IQCJ: variants seen among roughly 807,000 people sequenced by gnomAD.
IQCJ encodes the protein IQ motif containing J, also known as IQ domain-containing protein J.
Under a neutral mutation model 11.0 loss-of-function variants are expected in IQCJ, and 9 were observed. The observed-to-expected ratio is 0.82, with a 90% CI of 0.49 to 1.43. IQCJ has a LOEUF of 1.43. IQCJ is among the 40% of genes most tolerant of loss of function. The probability of loss-of-function intolerance (pLI) is 0.00; values close to 1 mark genes in which losing one functional copy is unlikely to be tolerated. For synonymous variants in IQCJ, 55 were observed against 51.3 expected, an observed-to-expected ratio of 1.07 and a Z score of -0.31; for missense variants, 146 against 133.2, an observed-to-expected ratio of 1.10 and a Z score of -0.47.
intron 1 of IQCJ, among the ~76,000 whole-genome samples, chr3:159,212,496 A>T (rs1236138584): frequency 6.6e-6 from 1 of 152,206 alleles, no homozygotes; most frequent in Non-Finnish European, 1.5e-5. Flanking sequence ...TAGGCTAAGA[A>T]ATTACTTCCT....
intron 1 of IQCJ, among the ~76,000 whole-genome samples, chr3:159,149,407 G>A (rs1211654955): frequency 2.0e-5 from 3 of 152,128 alleles, no homozygotes; most frequent in Non-Finnish European, 4.4e-5. Flanking sequence ...AGCTTCTATC[G>A]TACAGTTTCA....
chr3:159,258,045 C>G (rs1000515739), intron 3 of IQCJ, among the ~76,000 whole-genome samples: 1 of 152,112 alleles, frequency 6.6e-6, no homozygotes, highest in East Asian at 1.9e-4. Context: ...AACAGAAATA[C>G]CCATGGTCTA....
At chr3:159,175,533 T>G (rs1722747828) in intron 1 of IQCJ, among the ~76,000 whole-genome samples, 1 of 152,118 alleles carries the variant, frequency 6.6e-6, no homozygotes, top group Non-Finnish European at 1.5e-5. Flanking sequence ...CCCTCATCCC[T>G]TTTCGTGGTC....
At chr3:159,158,151 G>A (rs553531703) in intron 1 of IQCJ, among the ~76,000 whole-genome samples, 116 of 152,230 alleles carry the variant, frequency 7.6e-4, no homozygotes, top group African/African-American at 2.7e-3. Context: ...CAGTTTTTCT[G>A]TTATAAAATG....
intron 3 of IQCJ, among the ~76,000 whole-genome samples, chr3:159,260,827 A>G (rs1728160642): frequency 6.6e-6 from 1 of 152,180 alleles, no homozygotes; most frequent in Non-Finnish European, 1.5e-5. Context: ...AAAAACTCTA[A>G]AAGTATCTTA....
intron 2 of IQCJ, among the ~76,000 whole-genome samples, chr3:159,251,012 G>T (rs1043404547): frequency 6.6e-6 from 1 of 152,194 alleles, no homozygotes; most frequent in Non-Finnish European, 1.5e-5. Flanking sequence ...TTAAATATAT[G>T]TGTAGAATGA....
Position 159,150,657 on chromosome 3 carries a change from C to A in IQCJ, c.9+81216C>A, listed in dbSNP as rs1721162004. Among the ~76,000 whole-genome samples the A allele has an allele frequency of 2.0e-5, 3 of 151,952 alleles. No homozygotes were observed. The South Asian group carries it at 6.2e-4, about 32-fold the overall frequency. ...GCTTCTGTAGGTTGAGGGTAAGAAA[C>A]TGCTTGTCCATTTCTGTACCCTTTG... On this transcript the variant is annotated intron_variant, in intron 1 of 3. Transcript: ENST00000397832.
rs1721208834 is a variant in IQCJ, at chr3:159,151,418, C to T, written c.9+81977C>T. On this transcript the variant is annotated intron_variant, in intron 1 of 3. Coordinates refer to ENST00000397832, the MANE Select transcript of IQCJ (RefSeq NM_001042706.3). ...CGGCTCTGTCCTCAGCACTGCTGTT[C>T]TCTCCAACTGAGTTCTTCAGCATGC... Among the ~76,000 whole-genome samples, 3 of 152,182 alleles carry T rather than the reference C, an allele frequency of 2.0e-5. No individual in the cohort carries two copies. In the South Asian group the frequency reaches 6.2e-4, roughly 32 times the overall value.
chr3:159,263,670 G>A lies in IQCJ; in HGVS notation c.*939G>A. The A allele has an allele frequency of 1.0e-6, 1 of 985,366 alleles. No individual in the cohort carries two copies. Among genetic ancestry groups the A allele is most frequent in the Non-Finnish European group, 1.2e-6 (1 of 829,880 alleles). The allele number at this position is 985,366 out of a possible 1,614,324, so 61.0% of individuals were successfully genotyped here. A position where few individuals can be genotyped will look rare whatever the true frequency, so the allele number is the denominator to read the frequency against. The stretch of plus-strand genomic sequence containing the variant: ...AAGGTTTCCCAACACTCAACGCAAT[G>A]TATTCTTTTTGGGATCAGGTAAAAG... On this transcript the variant is annotated 3_prime_UTR_variant, in exon 4 of 4. Coordinates refer to ENST00000397832, the MANE Select transcript of IQCJ (RefSeq NM_001042706.3).
intron 1 of IQCJ, among the ~76,000 whole-genome samples, chr3:159,206,769 A>C (rs1724679142): frequency 6.6e-6 from 1 of 152,176 alleles, no homozygotes; most frequent in African/African-American, 2.4e-5. Context: ...CCTGTAAGTC[A>C]GTCAGTCAGC....
intron 1 of IQCJ, among the ~76,000 whole-genome samples, chr3:159,176,246 T>G (rs1288539700): frequency 6.6e-6 from 1 of 151,828 alleles, no homozygotes. Context: ...CTTTTTCACT[T>G]GTTTACAGTA....
chr3:159,223,865 A>G (rs968406256), intron 1 of IQCJ, among the ~76,000 whole-genome samples: 1 of 152,160 alleles, frequency 6.6e-6, no homozygotes, highest in African/African-American at 2.4e-5. Flanking sequence ...TATGTATGTA[A>G]GGTGTATATG....
intron 1 of IQCJ, among the ~76,000 whole-genome samples, chr3:159,170,592 A>AT (rs1722434749): frequency 1.3e-5 from 2 of 151,408 alleles, no homozygotes; most frequent in African/African-American, 4.8e-5. Flanking sequence ...GAAGCCACAC[A>AT]TTCCTCCTGA....
At chr3:159,202,096 A>G (rs1724382670) in intron 1 of IQCJ, among the ~76,000 whole-genome samples, 1 of 152,156 alleles carries the variant, frequency 6.6e-6, no homozygotes, top group Admixed American at 6.5e-5. Context: ...GTTGCCTGAA[A>G]TTGTTTGCAA....
intron 1 of IQCJ, among the ~76,000 whole-genome samples, chr3:159,186,961 G>A (rs1043395740): frequency 6.6e-6 from 1 of 152,190 alleles, no homozygotes; most frequent in Non-Finnish European, 1.5e-5. Flanking sequence ...CAGGTGATGA[G>A]TTTTGAGAAC....
intron 1 of IQCJ, among the ~76,000 whole-genome samples, chr3:159,076,505 T>A (rs933265625): frequency 3.3e-5 from 5 of 152,134 alleles, no homozygotes; most frequent in African/African-American, 9.6e-5. Context: ...CTTGATTTTC[T>A]TATCTGTAAA....
At chr3:159,141,674 A>C (rs1720612103) in intron 1 of IQCJ, among the ~76,000 whole-genome samples, 1 of 152,220 alleles carries the variant, frequency 6.6e-6, no homozygotes, top group Non-Finnish European at 1.5e-5. Flanking sequence ...TTAGTACTTG[A>C]ATAAATTATC....
chr3:159,107,300 T>G lies in IQCJ; in HGVS notation c.9+37859T>G, dbSNP rs188399892. Among the ~76,000 whole-genome samples, 543 of 152,260 alleles carry G rather than the reference T, an allele frequency of 3.6e-3. 6 individuals are homozygous for G. Among genetic ancestry groups the G allele is most frequent in the African/African-American group, 0.012 (515 of 41,550 alleles). On this transcript the variant is annotated intron_variant, in intron 1 of 3. Coordinates refer to ENST00000397832, the MANE Select transcript of IQCJ (RefSeq NM_001042706.3). Reference sequence around the variant, plus strand: ...AAAAAGACCCCAGAGAGCTAGCTAGTCCCTTTTGCCATTTGTGGACACAGC... The same window carrying G: ...AAAAAGACCCCAGAGAGCTAGCTAGGCCCTTTTGCCATTTGTGGACACAGC...
chr3:159,257,523 A>G (rs1727962577), intron 3 of IQCJ, among the ~76,000 whole-genome samples: 1 of 152,114 alleles, frequency 6.6e-6, no homozygotes, highest in Non-Finnish European at 1.5e-5. Flanking sequence ...ATCATCCATC[A>G]GTGTGGCAGT....
Sources: gnomAD v4.1 joint callset for allele counts (sites outside exome capture counted in the v4.1 genomes callset) on GRCh38, gnomAD v4.1.1 for gene constraint, MANE v1.5 for transcripts, NCBI Gene and HGNC (gene_info 2026-07-23, HGNC 2026-07-21) for gene names.